Variants in UNC5B observed in about 807,000 individuals in gnomAD.
UNC5B encodes the protein unc-5 netrin receptor B, also known as netrin receptor UNC5B.
In UNC5B, 56 loss-of-function variants were observed where a neutral mutation model predicts 103.7. The observed-to-expected ratio is 0.54, with a 90% CI of 0.44 to 0.67. The LOEUF is 0.67. Ranked by LOEUF, UNC5B falls within the 30% of genes least tolerant of loss-of-function variation. The pLI, the probability that UNC5B is intolerant of heterozygous loss-of-function variation, is 0.00. For missense variants in UNC5B, 1,194 were observed against 1,284.5 expected (o/e 0.93, Z 1.08); for synonymous variants, 577 against 542.0 (o/e 1.06, Z -0.90).
At chr10:71,234,929 A>C (rs969501683) in intron 1 of UNC5B, among the ~76,000 whole-genome samples, 14 of 152,170 alleles carry the variant, frequency 9.2e-5, no homozygotes, top group African/African-American at 3.4e-4. Flanking sequence ...AGGATTTGGC[A>C]TCCAGATCCC....
At chr10:71,258,825 G>A (rs1002011932) in intron 1 of UNC5B, among the ~76,000 whole-genome samples, 5 of 152,236 alleles carry the variant, frequency 3.3e-5, no homozygotes, top group African/African-American at 1.2e-4. Context: ...ACCCAGCAGA[G>A]GAGCTGCCAG....
At chr10:71,215,849 G>A (rs72808450) in intron 1 of UNC5B, among the ~76,000 whole-genome samples, 9,062 of 151,656 alleles carry the variant, frequency 0.06, 356 homozygotes, top group Non-Finnish European at 0.083. Flanking sequence ...GTGTGCTCGC[G>A]TGCATGCGCC....
chr10:71,272,012 A>G (rs1844657684), intron 1 of UNC5B, among the ~76,000 whole-genome samples: 1 of 152,132 alleles, frequency 6.6e-6, no homozygotes, highest in South Asian at 2.1e-4. Context: ...GCAAGGAGCC[A>G]GGGCCAGATG....
chr10:71,264,958 A>G (rs1420152163), intron 1 of UNC5B, among the ~76,000 whole-genome samples: 1 of 133,698 alleles, frequency 7.5e-6, no homozygotes, highest in Non-Finnish European at 1.6e-5. Flanking sequence ...ACATAGTGAG[A>G]CCCCTGTCTC....
rs141083007 is a variant in UNC5B at position 71,293,815 on chromosome 10, C to T, written c.2057C>T (p.Ser686Phe). The change falls in exon 13 of 17, where the codon TCC (serine) becomes TTC (phenylalanine). Residue 686 changes from serine to phenylalanine, a missense_variant. Ser to Phe is a radical substitution (Grantham distance 155). Transcript: ENST00000335350. The part of the protein sequence containing the change: ...QLGTYVFTGE[S>F]YSRSAVKRLQ... ...GGCACCTACGTGTTCACGGGCGAGT[C>T]CTATTCCCGCTCAGCAGTCAAGCGG... 1.9e-5 allele frequency: 30 copies of T among 1,611,088 alleles called. No homozygotes were observed. The highest frequency in any genetic ancestry group is 2.3e-5 in the Non-Finnish European group (27 of 1,179,078).
At chr10:71,298,448 G>T (rs1845500933) in intron 16 of UNC5B, among the ~76,000 whole-genome samples, 1 of 152,146 alleles carries the variant, frequency 6.6e-6, no homozygotes, top group Non-Finnish European at 1.5e-5. Context: ...CTAGGACAGA[G>T]AATGTGCTGC....
Position 71,280,064 on chromosome 10 carries a change from C to T in UNC5B, c.304+19C>T. 1 of 1,612,014 alleles carries T rather than the reference C, an allele frequency of 6.2e-7. No homozygotes were observed. Among genetic ancestry groups the T allele is most frequent in the Non-Finnish European group, 8.5e-7 (1 of 1,179,690 alleles). On this transcript the variant is annotated intron_variant, in intron 2 of 16. Coordinates refer to ENST00000335350, the MANE Select transcript of UNC5B (RefSeq NM_170744.5). ...GCCACCGGTGAGCCCGCCCCACTTG[C>T]CTGGGCACCCCAGGACACCCCAGGC... is the stretch of plus-strand genomic sequence containing the variant.
chr10:71,219,992 T>C (rs1240196262), intron 1 of UNC5B, among the ~76,000 whole-genome samples: 1 of 152,152 alleles, frequency 6.6e-6, no homozygotes, highest in Non-Finnish European at 1.5e-5. Flanking sequence ...GACCTCTCCT[T>C]ACTCTTGGGA....
chr10:71,248,853 TCTCTCTCTCTCTCTCACACACACA>T (rs1844105184), intron 1 of UNC5B, among the ~76,000 whole-genome samples: 2 of 32,882 alleles, frequency 6.1e-5, no homozygotes, highest in Non-Finnish European at 1.8e-4. Flanking sequence ...TCTCTGTCTC[TCTCTCTCTCTCTCTCACACACACA>T]CACACACACA....
intron 1 of UNC5B, among the ~76,000 whole-genome samples, chr10:71,245,413 G>T (rs1844008039): frequency 1.3e-5 from 2 of 152,170 alleles, no homozygotes; most frequent in Admixed American, 1.3e-4. Context: ...TCTGGCAGGG[G>T]GGACCCTTCT....
At chr10:71,240,653 G>GC (rs1843877701) in intron 1 of UNC5B, among the ~76,000 whole-genome samples, 1 of 152,234 alleles carries the variant, frequency 6.6e-6, no homozygotes, top group African/African-American at 2.4e-5. Context: ...CCCAGCAGCT[G>GC]CCCGCCGCCT....
intron 1 of UNC5B, among the ~76,000 whole-genome samples, chr10:71,276,263 G>GA (rs1390932212): frequency 6.6e-6 from 1 of 152,042 alleles, no homozygotes; most frequent in Non-Finnish European, 1.5e-5. Context: ...GAGTTCATAT[G>GA]AACCACTCTC....
intron 6 of UNC5B, among the ~76,000 whole-genome samples, chr10:71,288,315 G>A (rs571621346): frequency 3.8e-4 from 58 of 152,304 alleles, no homozygotes; most frequent in African/African-American, 1.3e-3. Context: ...GGGCTATATC[G>A]TGTTGATGAC....
At chr10:71,283,004 C>T (rs1044544994) in intron 2 of UNC5B, among the ~76,000 whole-genome samples, 1 of 152,150 alleles carries the variant, frequency 6.6e-6, no homozygotes, top group Non-Finnish European at 1.5e-5. Flanking sequence ...CCTGTAGTCC[C>T]AGCTACTCGG....
chr10:71,296,686 G>T lies in UNC5B; in HGVS notation c.2434G>T (p.Val812Leu). Reference sequence around the variant, plus strand: ...CACAGAGCTCACCTGCAAGATCTGCGTGCGGCAAGTGGAAGGGGAGGGCCA... The same window carrying T: ...CACAGAGCTCACCTGCAAGATCTGCTTGCGGCAAGTGGAAGGGGAGGGCCA... ...ASTELTCKIC[V>L]RQVEGEGQIF... The change falls in exon 15 of 17, where the codon GTG becomes TTG. Residue 812 changes from valine to leucine, a missense_variant. Transcript: ENST00000335350. 1 of 1,614,168 alleles carries T rather than the reference G, an allele frequency of 6.2e-7. No individual in the cohort carries two copies. The highest frequency in any genetic ancestry group is 1.1e-5 in the South Asian group (1 of 91,086).
rs144182763 is a variant in UNC5B at position 71,277,213 on chromosome 10, G to A, written c.80-2608G>A. The stretch of plus-strand genomic sequence containing the variant: ...CGGCTGTCACCCCGGGGCTGGGGGT[G>A]GTGCGGTTAGAAGATGGGGGCAGGC... On this transcript the variant is annotated intron_variant, in intron 1 of 16. Coordinates refer to ENST00000335350, the MANE Select transcript of UNC5B (RefSeq NM_170744.5). Among the ~76,000 whole-genome samples, 417 of 152,386 alleles carry A rather than the reference G, an allele frequency of 2.7e-3. 1 individual carries two copies. In the Middle Eastern group the frequency reaches 0.031, roughly 11 times the overall value.
rs920621329 is a variant in UNC5B, at chr10:71,287,537, T to C, written c.734-61T>C. 6 of 1,521,392 alleles carry C rather than the reference T, an allele frequency of 3.9e-6. No homozygotes were observed. The African/African-American group carries it at 8.4e-5, about 21-fold the overall frequency. 94.2% of individuals were successfully genotyped at this position (1,521,392 alleles called of 1,614,324 possible). On this transcript the variant is annotated intron_variant, in intron 5 of 16. Transcript: ENST00000335350. The stretch of plus-strand genomic sequence containing the variant: ...GGGCCTCGTCAGGGTGAGGGACGGG[T>C]TTGGGGGAGGGCAGAGGGTTCCAGA...
chr10:71,293,424 C>T lies in UNC5B; in HGVS notation c.1792C>T (p.Gln598Ter). ...CTCCAGCCCGCTTTCAGAAGGGACC[C>T]AGACAGTATTGAGCCCCTCGGTGAC... is the stretch of plus-strand genomic sequence containing the variant. ...ESTLPLSEGT[Q>*]TVLSPSVTCG... The change falls in exon 12 of 17, where the codon CAG becomes TAG. Residue 598 changes from glutamine to a stop codon, truncating the protein, a stop_gained. Transcript: ENST00000335350. LOFTEE classifies it high-confidence loss of function. 1 of 1,613,742 alleles carries T rather than the reference C, an allele frequency of 6.2e-7. No homozygotes were observed. The highest frequency in any genetic ancestry group is 8.5e-7 in the Non-Finnish European group (1 of 1,179,854).
intron 1 of UNC5B, among the ~76,000 whole-genome samples, chr10:71,225,866 G>GCCACACAGACTTGAGGACACCCTA (rs368101764): frequency 6.6e-6 from 1 of 152,090 alleles, no homozygotes; most frequent in South Asian, 2.1e-4. Flanking sequence ...AGGACACCCT[G>GCCACACAGACTTGAGGACACCCTA]CAGACACTAC....
Sources: gnomAD v4.1 joint callset for allele counts (sites outside exome capture counted in the v4.1 genomes callset) on GRCh38, gnomAD v4.1.1 for gene constraint, MANE v1.5 for transcripts, NCBI Gene and HGNC (gene_info 2026-07-23, HGNC 2026-07-21) for gene names.